The following TTN variants were observed in gnomAD, a reference collection of about 807,000 sequenced individuals.
The protein encoded by TTN is connectin.
TTN carries 1,525 observed loss-of-function variants against 3,223.0 expected under a neutral mutation model. The ratio of observed to expected loss-of-function variants is 0.47; its 90% CI spans 0.45 to 0.49. The LOEUF (loss-of-function observed/expected upper bound fraction) is 0.49. Among genes scored for constraint, TTN ranks in the 20% least tolerant of loss-of-function variants. The pLI is 0.00. For missense variants in TTN, 40,786 were observed against 43,424.0 expected, an observed-to-expected ratio of 0.94 and a Z score of 5.40; for synonymous variants, 14,094 against 15,161.0, an observed-to-expected ratio of 0.93 and a Z score of 5.17.
intron 46 of TTN, among the ~76,000 whole-genome samples, chr2:178,755,499 T>C (rs1017797255): frequency 6.6e-6 from 1 of 152,082 alleles, no homozygotes; most frequent in Non-Finnish European, 1.5e-5. Context: ...ACAGTGACCC[T>C]ATTTCGGCTC....
In TTN at chr2:178,593,248, C is replaced by T; in HGVS notation, c.58960G>A (p.Val19654Ile). 1.2e-6 allele frequency: 2 copies of T among 1,613,376 alleles called. No individual in the cohort carries two copies. The highest frequency in any genetic ancestry group is 2.2e-5 in the South Asian group (2 of 91,054). ...ATACCAATTTCATTTTCTGCAGAAACCCGGAATTCATACTGACATCCTTCT... is the reference window on the plus strand; with the variant it reads ...ATACCAATTTCATTTTCTGCAGAAATCCGGAATTCATACTGACATCCTTCT... ...LLEGCQYEFRVSAENEIGIGD... is the reference protein window; with the variant it reads ...LLEGCQYEFRISAENEIGIGD... The change falls in exon 299 of 363, where the codon GTT (valine) becomes ATT (isoleucine). Residue 19654 changes from valine to isoleucine, a missense_variant. Coordinates refer to ENST00000589042, the MANE Select transcript of TTN (RefSeq NM_001267550.2).
rs187257105 is a variant in TTN, at chr2:178,581,983, C to T, written c.66386G>A (p.Arg22129His). The T allele has an allele frequency of 5.9e-5, 95 of 1,613,270 alleles. 1 individual carries two copies. The South Asian group carries it at 7.4e-4, about 12-fold the overall frequency. The change falls in exon 315 of 363, where the codon CGT becomes CAT. Residue 22129 changes from arginine to histidine, a missense_variant. Physicochemically the swap from Arg to His is conservative, Grantham distance 29. Coordinates refer to ENST00000589042, the MANE Select transcript of TTN (RefSeq NM_001267550.2). ...TCCAGCTTTATTTATAGCTGTAACA[C>T]GGAACTCATATTCGGTACCTTCTTG... ...GLQEGTEYEFRVTAINKAGPG... is the reference protein window; with the variant it reads ...GLQEGTEYEFHVTAINKAGPG...
chr2:178,718,402 A>C lies in TTN; in HGVS notation c.24704T>G (p.Ile8235Arg). Residue 8235 changes from isoleucine (I) to arginine (R), a missense_variant, in exon 85 of 363, where the codon ATA becomes AGA. By Grantham distance (97) the Ile-to-Arg change is moderately conservative. Transcript: ENST00000589042. ...GCAGCTGTACTGTGCATAATCCTCTATTGTGCTCTCAAGAATTTCCAGTAT... is the reference window on the plus strand; with the variant it reads ...GCAGCTGTACTGTGCATAATCCTCTCTTGTGCTCTCAAGAATTTCCAGTAT... ...STILEILEST[I>R]EDYAQYSCLI... 1 of 1,613,766 alleles carries C rather than the reference A, an allele frequency of 6.2e-7. No individual in the cohort carries two copies. Among genetic ancestry groups the C allele is most frequent in the South Asian group, 1.1e-5 (1 of 91,082 alleles).
Position 178,738,060 on chromosome 2 carries a change from TG to T in TTN, c.14371+21del, listed in dbSNP as rs766169776. ...CAATATGAAATGAAGTGACAACATCTGTGCCAATGTATGGCATTTACCTGTC... is the reference window on the plus strand; with the variant it reads ...CAATATGAAATGAAGTGACAACATCTTGCCAATGTATGGCATTTACCTGTC... On this transcript the variant is annotated intron_variant, in intron 49 of 362. Transcript: ENST00000589042. 4 of 1,603,708 alleles carry T rather than the reference TG, an allele frequency of 2.5e-6. No individual in the cohort carries two copies. The Admixed American group carries it at 6.7e-5, about 27-fold the overall frequency.
At position 178,536,223 on chromosome 2, in the gene TTN, T is replaced by G; in HGVS notation, c.100524A>C (p.Arg33508Ser). ...AGACCAAGGTAGCATTGCTCTGATA[T>G]CTGACATTTAGATTTCTCAGTTCCT... ...FKEELRNLNV[R>S]YQSNATLVCK... is the part of the protein sequence containing the mutation. Residue 33508 changes from arginine to serine, a missense_variant, in exon 357 of 363, where the codon AGA becomes AGC. Coordinates refer to ENST00000589042, the MANE Select transcript of TTN (RefSeq NM_001267550.2). The G allele has an allele frequency of 6.2e-7, 1 of 1,613,374 alleles. No individual in the cohort carries two copies. Among genetic ancestry groups the G allele is most frequent in the South Asian group, 1.1e-5 (1 of 91,014 alleles).
rs185663658 is a variant in TTN at position 178,703,497 on chromosome 2, C to T, written c.30223+650G>A. Among the ~76,000 whole-genome samples, 261 of 152,250 alleles carry T rather than the reference C, an allele frequency of 1.7e-3. 1 individual carries two copies. The highest frequency in any genetic ancestry group is 2.9e-3 in the Non-Finnish European group (196 of 68,008). ...TCATATATTTGTGTTTCAGCAACTA[C>T]GAATGGGCACCAATAGCTGAAAGCA... On this transcript the variant is annotated intron_variant, in intron 106 of 362. Transcript: ENST00000589042.
Position 178,740,925 on chromosome 2 carries a change from A to T in TTN, c.12308T>A (p.Leu4103Ter). The change falls in exon 48 of 363, where the codon TTG becomes TAG. Residue 4103 changes from leucine (L) to a stop codon, truncating the protein, a stop_gained. Transcript: ENST00000589042. LOFTEE classifies it high-confidence loss of function. ...SYEHIAKANE[L>*]SSQLPLGAQE... ...AGCTCCCAAAGGAAGCTGACTGCTC[A>T]ATTCATTGGCTTTAGCAATATGCTC... 6.2e-7 allele frequency: 1 copy of T among 1,613,924 alleles called. No individual in the cohort carries two copies. The highest frequency in any genetic ancestry group is 8.5e-7 in the Non-Finnish European group (1 of 1,179,846).
chr2:178,665,483 G>A (rs1008473562), intron 164 of TTN, 23 bp from the exon 165 acceptor site: 3 of 1,608,564 alleles, frequency 1.9e-6, no homozygotes, highest in Non-Finnish European at 2.6e-6. Context: ...TAGTATTATG[G>A]TTAGAGGTTA....
chr2:178,753,045 TAA>T, intron 47 of TTN, 77 bp downstream of exon 47: 1 of 1,174,116 alleles, frequency 8.5e-7, no homozygotes. Flanking sequence ...TCAATAATAC[TAA>T]GAGAAAGAAG....
In TTN at chr2:178,587,782, A is replaced by G. The variant is rs72646854; in HGVS notation, c.63527T>C (p.Leu21176Ser). The part of the protein sequence containing the change: ...KEILEPPEID[L>S]DASMRKLVIV... ...GACCAGTTTCCTCATGCTGGCATCC[A>G]AATCAATCTCCGGAGGTTCTGCAAA... The change falls in exon 306 of 363, where the codon TTG becomes TCG. Residue 21176 changes from leucine (L) to serine (S), a missense_variant. By Grantham distance (145) the Leu-to-Ser change is moderately radical. Transcript: ENST00000589042. The G allele has an allele frequency of 4.4e-6, 7 of 1,603,092 alleles. No homozygotes were observed. The African/African-American group carries it at 9.4e-5, about 22-fold the overall frequency.
chr2:178,536,668 A>G (rs1267330472), intron 356 of TTN, 93 bp from the exon 357 acceptor site: 1 of 1,133,752 alleles, frequency 8.8e-7, no homozygotes, highest in East Asian at 2.7e-5. Flanking sequence ...ATGAGTCCAA[A>G]ATTTTGTTAA....
rs778742098 is a variant in TTN, at chr2:178,789,483, G to A, written c.1953C>T (p.Ala651=). The A allele has an allele frequency of 3.5e-5, 56 of 1,613,000 alleles. No homozygotes were observed. Among genetic ancestry groups the A allele is most frequent in the Middle Eastern group, 3.3e-4 (2 of 6,080 alleles). ...CTATTGTAGACAAGGCAGTTTTCTC[G>A]GCTTCCTTTCTCATCTGATTATTAC... ...QITQEKMRKE[A]EKTALSTIAV... is the part of the protein sequence containing the mutation. Residue 651 remains alanine, a synonymous_variant, in exon 13 of 363, where the codon GCC becomes GCT. Transcript: ENST00000589042.
At chr2:178,805,857 G>A (rs571754527) in intron 1 of TTN, among the ~76,000 whole-genome samples, 1 of 152,112 alleles carries the variant, frequency 6.6e-6, no homozygotes, top group Non-Finnish European at 1.5e-5. Context: ...TCAAAGAAAC[G>A]AATATAAAAT....
chr2:178,646,362 C>T, intron 216 of TTN, 123 bp downstream of exon 216: 1 of 590,332 alleles, frequency 1.7e-6, no homozygotes, highest in Admixed American at 3.4e-5. Context: ...CTCACATTTA[C>T]AACAAAGAAT....
intron 29 of TTN, 112 bp downstream of exon 29, chr2:178,774,809 T>G: frequency 8.0e-7 from 1 of 1,252,036 alleles, no homozygotes; most frequent in Non-Finnish European, 1.1e-6. Flanking sequence ...AAACTTATAG[T>G]CAATTTCCAA....
chr2:178,552,459 G>T lies in TTN; in HGVS notation c.90441C>A (p.His30147Gln), dbSNP rs72648242. 6.2e-6 allele frequency: 10 copies of T among 1,608,594 alleles called. No homozygotes were observed. The Admixed American group carries it at 1.5e-4, about 24-fold the overall frequency. The change falls in exon 335 of 363, where the codon CAC (histidine) becomes CAA (glutamine). Residue 30147 changes from histidine (H) to glutamine (Q), a missense_variant. By Grantham distance (24) the His-to-Gln change is conservative (BLOSUM62 0). Coordinates refer to ENST00000589042, the MANE Select transcript of TTN (RefSeq NM_001267550.2). ...PGAQVTVRIG[H>Q]NVHLELPYKG... ...TATAAGGTAATTCAAGGTGCACATT[G>T]TGCCCAATTCTCACAGTGACTTGTG...
chr2:178,638,376 AAAT>A (rs1421255443), intron 223 of TTN, among the ~76,000 whole-genome samples: 1 of 151,068 alleles, frequency 6.6e-6, no homozygotes, highest in African/African-American at 2.4e-5. Context: ...TAATAATCTA[AAAT>A]AATATAATTT....
intron 52 of TTN, 90 bp downstream of exon 52, chr2:178,734,238 C>G: frequency 3.5e-6 from 5 of 1,433,898 alleles, no homozygotes; most frequent in Non-Finnish European, 4.6e-6. Context: ...AAGGATAGGA[C>G]AAGAGAAGAA....
chr2:178,724,633 G>C, intron 71 of TTN, 95 bp from the exon 72 acceptor site: 3 of 1,327,106 alleles, frequency 2.3e-6, no homozygotes, highest in Non-Finnish European at 2.9e-6. Context: ...CAGTGAGATG[G>C]TTATGTTAGG....
Sources: allele counts gnomAD v4.1 joint callset (sites outside exome capture counted in the v4.1 genomes callset), GRCh38; gene constraint gnomAD v4.1.1; transcripts MANE v1.5; gene names NCBI Gene and HGNC (gene_info 2026-07-23, HGNC 2026-07-21).